The following ENOX1 variants were observed in gnomAD, a reference collection of about 807,000 sequenced individuals.
ENOX1 encodes candidate growth-related and time keeping constitutive hydroquinone (NADH) oxidase.
ENOX1 carries 42 observed loss-of-function variants against 82.5 expected under a neutral mutation model. The observed-to-expected ratio is 0.51, with a 90% CI of 0.40 to 0.66. ENOX1 has a LOEUF of 0.66. ENOX1 is among the 30% of genes least tolerant of loss of function. The probability of loss-of-function intolerance (pLI) is 0.00; values close to 1 mark genes in which losing one functional copy is unlikely to be tolerated. For synonymous variants in ENOX1, 271 were observed against 282.2 expected, an observed-to-expected ratio of 0.96 and a Z score of 0.40; for missense variants, 608 against 811.6, an observed-to-expected ratio of 0.75 and a Z score of 3.05.
chr13:43,711,772 GT>G (rs2087735638), intron 1 of ENOX1, among the ~76,000 whole-genome samples: 1 of 151,232 alleles, frequency 6.6e-6, no homozygotes, highest in Non-Finnish European at 1.5e-5. Flanking sequence ...GGGGTTGTTT[GT>G]TTTTTTCTTG....
chr13:43,577,454 C>T (rs578024771), intron 2 of ENOX1, among the ~76,000 whole-genome samples: 28 of 152,194 alleles, frequency 1.8e-4, no homozygotes, highest in Non-Finnish European at 3.8e-4. Context: ...AACTAGATAG[C>T]AGGACCAGTG....
intron 3 of ENOX1, among the ~76,000 whole-genome samples, chr13:43,442,441 A>G (rs1256544830): frequency 2.0e-5 from 3 of 152,142 alleles, no homozygotes; most frequent in Non-Finnish European, 4.4e-5. Context: ...TGTGCCCACC[A>G]CTGGGAGATA....
At chr13:43,470,307 C>CATATATATATGTATAT (rs35765969) in intron 3 of ENOX1, among the ~76,000 whole-genome samples, 1 of 42,492 alleles carries the variant, frequency 2.4e-5, no homozygotes, top group Non-Finnish European at 6.2e-5. Context: ...CATATATATA[C>CATATATATATGTATAT]ATATATATAC....
chr13:43,290,388 C>A (rs2153500843), intron 12 of ENOX1, among the ~76,000 whole-genome samples: 1 of 152,020 alleles, frequency 6.6e-6, no homozygotes, highest in East Asian at 1.9e-4. Flanking sequence ...TATATATACA[C>A]ACACACATAC....
At chr13:43,777,488 G>A (rs1490055830) in intron 1 of ENOX1, among the ~76,000 whole-genome samples, 1 of 151,774 alleles carries the variant, frequency 6.6e-6, no homozygotes, top group Non-Finnish European at 1.5e-5. Flanking sequence ...GTACACTATA[G>A]TTTTATAAGA....
chr13:43,571,522 G>GAA (rs5803189), intron 2 of ENOX1, among the ~76,000 whole-genome samples: 4,857 of 146,696 alleles, frequency 0.033, 264 homozygotes, highest in African/African-American at 0.11. Context: ...TACTAAAAAA[G>GAA]AAAAAAAAAA....
At chr13:43,643,164 G>T (rs1287599354) in intron 2 of ENOX1, among the ~76,000 whole-genome samples, 1 of 152,198 alleles carries the variant, frequency 6.6e-6, no homozygotes, top group Non-Finnish European at 1.5e-5. Context: ...TAAGGTTCTT[G>T]AGGGCAGGGG....
chr13:43,283,174 T>C (rs533618572), intron 12 of ENOX1, among the ~76,000 whole-genome samples: 1 of 152,266 alleles, frequency 6.6e-6, no homozygotes, highest in African/African-American at 2.4e-5. Context: ...CTATTGAAAT[T>C]TGTCTGTATC....
intron 2 of ENOX1, among the ~76,000 whole-genome samples, chr13:43,567,314 T>TC (rs1429893391): frequency 6.6e-6 from 1 of 152,152 alleles, no homozygotes; most frequent in African/African-American, 2.4e-5. Context: ...ATGTGCTTTT[T>TC]CCCTGTCAGT....
chr13:43,727,350 C>T (rs2089048443), intron 1 of ENOX1, among the ~76,000 whole-genome samples: 1 of 152,180 alleles, frequency 6.6e-6, no homozygotes, highest in Admixed American at 6.5e-5. Context: ...TGCAAGGATA[C>T]CCCAAGTTGT....
At chr13:43,758,382 G>A (rs1057420898) in intron 1 of ENOX1, among the ~76,000 whole-genome samples, 1 of 152,114 alleles carries the variant, frequency 6.6e-6, no homozygotes, top group African/African-American at 2.4e-5. Context: ...AGACAATCTC[G>A]AAAGGCTGAA....
chr13:43,372,658 A>C (rs1167545769), intron 5 of ENOX1, among the ~76,000 whole-genome samples: 2 of 152,194 alleles, frequency 1.3e-5, no homozygotes, highest in Non-Finnish European at 2.9e-5. Context: ...CAAAAATAAA[A>C]TTTCACTCAT....
intron 5 of ENOX1, among the ~76,000 whole-genome samples, chr13:43,382,698 A>C (rs545536478): frequency 8.5e-5 from 13 of 152,322 alleles, no homozygotes; most frequent in African/African-American, 3.1e-4. Flanking sequence ...TGATATGTCC[A>C]TTATTTTGAT....
At chr13:43,555,739 A>G (rs1217881799) in intron 2 of ENOX1, among the ~76,000 whole-genome samples, 2 of 152,210 alleles carry the variant, frequency 1.3e-5, no homozygotes, top group Non-Finnish European at 1.5e-5. Context: ...GCAAGCTACA[A>G]AACTAGTCTC....
At chr13:43,582,518 T>A (rs946027875) in intron 2 of ENOX1, among the ~76,000 whole-genome samples, 5 of 152,096 alleles carry the variant, frequency 3.3e-5, no homozygotes, top group Admixed American at 2.0e-4. Context: ...CTAAAACAAT[T>A]ACACAAAATA....
chr13:43,762,690 T>C lies in ENOX1; in HGVS notation c.-285+23962A>G, dbSNP rs537809280. ...TCCTAGAGTATTGAAAATGCACTCA[T>C]GGTAGCCAGCTGTGGGAATTAGGCA... On this transcript the variant is annotated intron_variant, in intron 1 of 16. Coordinates refer to ENST00000690772, the MANE Select transcript of ENOX1 (RefSeq NM_001347969.2). Among the ~76,000 whole-genome samples, 3 of 152,310 alleles carry C rather than the reference T, an allele frequency of 2.0e-5. No homozygotes were observed. The East Asian group carries it at 5.8e-4, about 29-fold the overall frequency.
chr13:43,760,329 G>A (rs1439853447), intron 1 of ENOX1, among the ~76,000 whole-genome samples: 3 of 152,126 alleles, frequency 2.0e-5, no homozygotes, highest in African/African-American at 7.2e-5. Context: ...ATAGACAAAT[G>A]ATTGTAATTT....
At chr13:43,603,122 C>T (rs370309244) in intron 2 of ENOX1, among the ~76,000 whole-genome samples, 21 of 151,962 alleles carry the variant, frequency 1.4e-4, no homozygotes, top group African/African-American at 3.6e-4. Flanking sequence ...CTGTAATAAA[C>T]GTGTAAGACT....
chr13:43,423,614 C>T (rs531606835), intron 3 of ENOX1, among the ~76,000 whole-genome samples: 1 of 152,308 alleles, frequency 6.6e-6, no homozygotes, highest in Admixed American at 6.5e-5. Context: ...TAAGAGTTCA[C>T]CGTTCTCTCT....
Sources: allele counts gnomAD v4.1 joint callset (sites outside exome capture counted in the v4.1 genomes callset), GRCh38; gene constraint gnomAD v4.1.1; transcripts MANE v1.5; gene names NCBI Gene and HGNC (gene_info 2026-07-23, HGNC 2026-07-21).